The following VRK2 variants were observed in gnomAD, a reference collection of about 807,000 sequenced individuals.
VRK2 encodes VRK serine/threonine kinase 2.
In VRK2, 60 loss-of-function variants were observed where a neutral mutation model predicts 57.6. That is an observed-to-expected ratio of 1.04 (90% CI 0.85 to 1.29). The LOEUF is 1.29. VRK2 is among the 50% of genes most tolerant of loss of function. VRK2 has a pLI of 0.00. For missense variants in VRK2, 705 were observed against 588.1 expected (o/e 1.20, Z -2.06); for synonymous variants, 231 against 199.2 (o/e 1.16, Z -1.35).
chr2:58,050,325 C>T (rs1675522663), intron 2 of VRK2, among the ~76,000 whole-genome samples: 1 of 152,168 alleles, frequency 6.6e-6, no homozygotes, highest in Non-Finnish European at 1.5e-5. Context: ...CCATGTGGCT[C>T]ATATGCTCAG....
intron 8 of VRK2, 129 bp from the exon 9 acceptor site, chr2:58,131,679 C>A: frequency 1.7e-6 from 2 of 1,165,692 alleles, no homozygotes; most frequent in Non-Finnish European, 2.3e-6. Context: ...TTTATTCCAG[C>A]TGAACAAATA....
chr2:57,993,172 T>C (rs1379842543), intron 1 of VRK2, among the ~76,000 whole-genome samples: 1 of 152,234 alleles, frequency 6.6e-6, no homozygotes, highest in African/African-American at 2.4e-5. Flanking sequence ...TAGATACATC[T>C]TTCAACATTT....
chr2:58,067,270 A>C (rs1668736248), intron 2 of VRK2, among the ~76,000 whole-genome samples: 1 of 152,060 alleles, frequency 6.6e-6, no homozygotes, highest in Non-Finnish European at 1.5e-5. Context: ...TGTTGCTTCT[A>C]AGCTTGCAGA....
chr2:58,043,753 C>A (rs937930132), upstream of VRK2, among the ~76,000 whole-genome samples: 7 of 152,100 alleles, frequency 4.6e-5, no homozygotes, highest in Non-Finnish European at 1.0e-4. Context: ...GGTAAATATG[C>A]GAATGCTGGG....
At chr2:58,005,068 A>G (rs1673201728) in intron 1 of VRK2, among the ~76,000 whole-genome samples, 2 of 152,196 alleles carry the variant, frequency 1.3e-5, no homozygotes, top group Non-Finnish European at 2.9e-5. Flanking sequence ...CATGCAATGA[A>G]GAAAGAAGGC....
At chr2:58,151,713 A>T (rs1203907730) in intron 12 of VRK2, among the ~76,000 whole-genome samples, 1 of 24,290 alleles carries the variant, frequency 4.1e-5, no homozygotes, top group Non-Finnish European at 1.0e-4. Context: ...ATTTTTTTTT[A>T]ACTATGCTTC....
intron 2 of VRK2, among the ~76,000 whole-genome samples, chr2:58,064,722 C>G (rs996318752): frequency 2.0e-5 from 3 of 151,764 alleles, no homozygotes; most frequent in African/African-American, 7.3e-5. Context: ...ACTGATTGTG[C>G]TATAATAATA....
intron 1 of VRK2, among the ~76,000 whole-genome samples, chr2:57,988,342 T>C (rs1281274062): frequency 6.6e-6 from 1 of 152,208 alleles, no homozygotes; most frequent in Non-Finnish European, 1.5e-5. Flanking sequence ...TCCTATGTTG[T>C]GGTTTACCAG....
chr2:58,025,857 T>C (rs1673908020), intron 2 of VRK2: 2 of 152,214 alleles, frequency 1.3e-5, no homozygotes, highest in Non-Finnish European at 1.5e-5. Context: ...GACTCCTGTT[T>C]AGCCTTTCTC....
At chr2:57,915,925 C>T (rs1558490538) in intron 1 of VRK2, among the ~76,000 whole-genome samples, 2 of 151,998 alleles carry the variant, frequency 1.3e-5, no homozygotes, top group African/African-American at 2.4e-5. Flanking sequence ...CTAGGTTGCA[C>T]GCTCCTTATG....
intron 1 of VRK2, among the ~76,000 whole-genome samples, chr2:57,932,739 T>A (rs1026912463): frequency 2.6e-5 from 4 of 152,144 alleles, no homozygotes; most frequent in Non-Finnish European, 4.4e-5. Context: ...GGGCTTAGAT[T>A]GTTTGTTCTT....
At chr2:58,151,639 T>G (rs1683044445) in intron 12 of VRK2, among the ~76,000 whole-genome samples, 1 of 151,322 alleles carries the variant, frequency 6.6e-6, no homozygotes, top group South Asian at 2.1e-4. Context: ...TTTGCTTTCT[T>G]TTTGCCCCAT....
chr2:57,911,432 G>T (rs573686855), intron 1 of VRK2, among the ~76,000 whole-genome samples: 34 of 152,264 alleles, frequency 2.2e-4, no homozygotes, highest in African/African-American at 7.9e-4. Flanking sequence ...AGATAACACA[G>T]ACAGTGCTGA....
intron 3 of VRK2, among the ~76,000 whole-genome samples, chr2:58,034,444 C>T (rs1438018551): frequency 6.6e-6 from 1 of 152,062 alleles, no homozygotes; most frequent in Non-Finnish European, 1.5e-5. Flanking sequence ...TCCTGCCTGA[C>T]TACTGAAATC....
At chr2:57,920,789 T>C (rs1670316233) in intron 1 of VRK2, among the ~76,000 whole-genome samples, 1 of 152,090 alleles carries the variant, frequency 6.6e-6, no homozygotes, top group Admixed American at 6.6e-5. Flanking sequence ...TGAGAATTCC[T>C]GTGGCAATAG....
intron 1 of VRK2, among the ~76,000 whole-genome samples, chr2:57,932,075 T>C (rs983542632): frequency 7.9e-5 from 12 of 152,164 alleles, no homozygotes; most frequent in African/African-American, 2.9e-4. Flanking sequence ...TTGTTTTTCT[T>C]ACTCTATAAG....
chr2:58,104,615 T>A (rs1485114270), intron 7 of VRK2, among the ~76,000 whole-genome samples: 1 of 151,636 alleles, frequency 6.6e-6, no homozygotes, highest in African/African-American at 2.4e-5. Context: ...AGAAGAATTG[T>A]TAAAATGAGC....
chr2:57,929,930 C>G (rs1670664289), intron 1 of VRK2, among the ~76,000 whole-genome samples: 1 of 151,984 alleles, frequency 6.6e-6, no homozygotes, highest in Non-Finnish European at 1.5e-5. Context: ...GAGCTAGTAT[C>G]CAGCTTGCAA....
At chr2:58,058,885 C>G (rs1305442979) in intron 2 of VRK2, among the ~76,000 whole-genome samples, 1 of 151,982 alleles carries the variant, frequency 6.6e-6, no homozygotes, top group Admixed American at 6.6e-5. Context: ...CTGGTCCCTG[C>G]CCTACTGATG....
Sources: allele counts gnomAD v4.1 joint callset (sites outside exome capture counted in the v4.1 genomes callset), GRCh38; gene constraint gnomAD v4.1.1; transcripts MANE v1.5; gene names NCBI Gene and HGNC (gene_info 2026-07-23, HGNC 2026-07-21).